Variants in GRIP1 observed in about 807,000 individuals in gnomAD.
The protein encoded by GRIP1 is glutamate receptor-interacting protein 1.
GRIP1 carries 45 observed loss-of-function variants against 129.9 expected under a neutral mutation model. The ratio of observed to expected loss-of-function variants is 0.35; its 90% confidence interval spans 0.27 to 0.44. The LOEUF is 0.44. Among genes scored for constraint, GRIP1 ranks in the 20% least tolerant of loss-of-function variants. The pLI is 1.00. For missense variants in GRIP1, 1,196 were observed against 1,396.8 expected, an observed-to-expected ratio of 0.86 and a Z score of 2.29; for synonymous variants, 530 against 520.8, an observed-to-expected ratio of 1.02 and a Z score of -0.24.
At chr12:66,449,404 C>CAAGG (rs1163802970) in intron 11 of GRIP1, among the ~76,000 whole-genome samples, 1 of 151,480 alleles carries the variant, frequency 6.6e-6, no homozygotes, top group African/African-American at 2.4e-5. Context: ...GCTGATGGGG[C>CAAGG]AAGGGAGGGT....
At chr12:67,068,991 A>C in intron 1 of GRIP1, 24 of 824,036 alleles carry the variant, frequency 2.9e-5, no homozygotes, top group Non-Finnish European at 3.4e-5. Flanking sequence ...AGAGGGAGGC[A>C]CCGGGCGGCC....
At chr12:66,978,975 C>A (rs866260111) in intron 1 of GRIP1, among the ~76,000 whole-genome samples, 11 of 151,928 alleles carry the variant, frequency 7.2e-5, no homozygotes, top group Admixed American at 2.0e-4. Context: ...CAGAGGCCAG[C>A]CAAGCTTTAT....
At chr12:66,519,804 T>A (rs2060947692) in intron 5 of GRIP1, among the ~76,000 whole-genome samples, 1 of 152,250 alleles carries the variant, frequency 6.6e-6, no homozygotes, top group Non-Finnish European at 1.5e-5. Flanking sequence ...ATATGTTAAA[T>A]GACTAGGCCC....
At chr12:66,621,647 T>C (rs534232967) in intron 1 of GRIP1, among the ~76,000 whole-genome samples, 51 of 152,272 alleles carry the variant, frequency 3.3e-4, no homozygotes, top group African/African-American at 1.2e-3. Flanking sequence ...GTTAATTCTA[T>C]GTTTAAGTTT....
intron 1 of GRIP1, among the ~76,000 whole-genome samples, chr12:66,607,163 T>A (rs1020204436): frequency 6.6e-6 from 1 of 152,170 alleles, no homozygotes; most frequent in Non-Finnish European, 1.5e-5. Flanking sequence ...TCTTCTGAAA[T>A]TGCAGTTTAG....
chr12:66,352,222 G>A (rs1002643826), intron 24 of GRIP1, among the ~76,000 whole-genome samples: 1 of 152,168 alleles, frequency 6.6e-6, no homozygotes, highest in African/African-American at 2.4e-5. Flanking sequence ...TGCGAACCAA[G>A]AAAGAAGGGT....
At chr12:66,521,553 A>G (rs4329749) in intron 5 of GRIP1, among the ~76,000 whole-genome samples, 75,076 of 151,540 alleles carry the variant, frequency 0.5, 19,176 homozygotes, top group African/African-American at 0.64. Context: ...GAACAGCTCC[A>G]GTCTACAGCT....
upstream of GRIP1, among the ~76,000 whole-genome samples, chr12:66,806,322 T>G (rs2136936275): frequency 1.3e-5 from 2 of 152,290 alleles, 1 homozygote; most frequent in South Asian, 4.1e-4. Context: ...TTACATGCAT[T>G]CAAGTTCATT....
intron 16 of GRIP1, among the ~76,000 whole-genome samples, chr12:66,395,888 T>G (rs1385127322): frequency 6.6e-6 from 1 of 152,220 alleles, no homozygotes; most frequent in East Asian, 1.9e-4. Flanking sequence ...GGTGATGATC[T>G]GCTAAGGGCT....
chr12:66,901,382 C>T (rs1195894851), intron 1 of GRIP1, among the ~76,000 whole-genome samples: 2 of 152,202 alleles, frequency 1.3e-5, no homozygotes, highest in Non-Finnish European at 2.9e-5. Flanking sequence ...CAGGGCATAC[C>T]ACTCAATCAC....
intron 1 of GRIP1, among the ~76,000 whole-genome samples, chr12:66,665,290 G>A (rs2033733441): frequency 2.0e-5 from 3 of 152,144 alleles, no homozygotes; most frequent in African/African-American, 7.2e-5. Context: ...TTACAGGCGT[G>A]AGCTAACACA....
intron 1 of GRIP1, among the ~76,000 whole-genome samples, chr12:67,066,911 T>TATACAC (rs1474197671): frequency 1.6e-3 from 222 of 140,596 alleles, no homozygotes; most frequent in African/African-American, 1.9e-3. Flanking sequence ...TATATATATA[T>TATACAC]ACACACACAC....
chr12:66,984,280 C>A (rs945403445), intron 1 of GRIP1, among the ~76,000 whole-genome samples: 6 of 152,310 alleles, frequency 3.9e-5, no homozygotes, highest in African/African-American at 1.4e-4. Flanking sequence ...AGACTCTCAT[C>A]AGAGCATCTG....
intron 7 of GRIP1, among the ~76,000 whole-genome samples, chr12:66,508,190 A>C (rs1473430961): frequency 6.6e-6 from 1 of 152,220 alleles, no homozygotes; most frequent in African/African-American, 2.4e-5. Flanking sequence ...TTTTAAACCT[A>C]CAGCATAAAC....
intron 1 of GRIP1, among the ~76,000 whole-genome samples, chr12:66,776,460 T>C (rs1045547556): frequency 6.6e-6 from 1 of 152,226 alleles, no homozygotes; most frequent in South Asian, 2.1e-4. Context: ...ACAATAACTT[T>C]AATTAGTAAA....
chr12:66,522,636 T>C (rs1212623884), intron 5 of GRIP1, among the ~76,000 whole-genome samples: 1 of 152,202 alleles, frequency 6.6e-6, no homozygotes, highest in East Asian at 1.9e-4. Flanking sequence ...GCCTCTCCTC[T>C]TCCAAAGGAA....
Position 67,054,703 on chromosome 12 carries a change from G to A in GRIP1, c.58+14347C>T, listed in dbSNP as rs1182510594. Among the ~76,000 whole-genome samples the A allele has an allele frequency of 2.0e-5, 3 of 151,678 alleles. No homozygotes were observed. The East Asian group carries it at 5.8e-4, about 29-fold the overall frequency. ...TGCTTGAACCCGGGAGGTAGAGGCT[G>A]CAGTGAGCCAAGATTGCACCACTGC... On this transcript the variant is annotated intron_variant, in intron 1 of 1. Coordinates refer to the GRIP1 transcript ENST00000643019.
At chr12:66,844,174 C>T (rs2039771949) in intron 1 of GRIP1, among the ~76,000 whole-genome samples, 1 of 151,822 alleles carries the variant, frequency 6.6e-6, no homozygotes, top group African/African-American at 2.4e-5. Context: ...ATACAAATGG[C>T]CAATTAGCAC....
At chr12:66,763,443 T>C (rs2037532490) in intron 1 of GRIP1, among the ~76,000 whole-genome samples, 1 of 152,182 alleles carries the variant, frequency 6.6e-6, no homozygotes, top group Non-Finnish European at 1.5e-5. Flanking sequence ...TACAAACAAC[T>C]ACTGTTCTGA....
Sources: allele counts gnomAD v4.1 joint callset (sites outside exome capture counted in the v4.1 genomes callset), GRCh38; gene constraint gnomAD v4.1.1; transcripts MANE v1.5; gene names NCBI Gene and HGNC (gene_info 2026-07-23, HGNC 2026-07-21).